NRDE2: variants seen among roughly 807,000 people sequenced by gnomAD.
NRDE2 encodes NRDE-2, necessary for RNA interference, domain containing.
Under a neutral mutation model 124.2 loss-of-function variants are expected in NRDE2, and 76 were observed. That is an observed-to-expected ratio of 0.61 (90% CI 0.51 to 0.74). NRDE2 has a LOEUF of 0.74. Among genes scored for constraint, NRDE2 ranks in the 30% least tolerant of loss-of-function variants. NRDE2 has a pLI of 0.00. For synonymous variants in NRDE2, 489 were observed against 528.1 expected (o/e 0.93, Z 1.01); for missense variants, 1,314 against 1,417.3 (o/e 0.93, Z 1.17).
At chr14:90,323,086 A>G (rs1885299441) in intron 1 of NRDE2, among the ~76,000 whole-genome samples, 1 of 152,242 alleles carries the variant, frequency 6.6e-6, no homozygotes, top group Non-Finnish European at 1.5e-5. Flanking sequence ...ATGCATACAC[A>G]CCAAGAAATG....
rs183978322 is a variant in NRDE2 at position 90,309,452 on chromosome 14, G to A, written c.557+2942C>T. On this transcript the variant is annotated intron_variant, in intron 4 of 13. Coordinates refer to ENST00000354366, the MANE Select transcript of NRDE2 (RefSeq NM_017970.4). ...AGCATCACTGCACTCCAACCTGGGC[G>A]ACAGAGCAAGACTCTGTCTCAAAAA... Among the ~76,000 whole-genome samples, 19 of 119,896 alleles carry A rather than the reference G, an allele frequency of 1.6e-4. 1 individual carries two copies. Among genetic ancestry groups the A allele is most frequent in the African/African-American group, 4.9e-4 (15 of 30,696 alleles). The allele number at this position is 119,896 out of a possible 152,430, so 78.7% of individuals were successfully genotyped here.
At position 90,277,228 on chromosome 14, in the gene NRDE2, G is replaced by C. The variant is rs1204206940; in HGVS notation, c.*1108C>G. On this transcript the variant is annotated 3_prime_UTR_variant, in exon 14 of 14. Coordinates refer to ENST00000354366, the MANE Select transcript of NRDE2 (RefSeq NM_017970.4). ...GCCCTGGGAGGTGCTCTCGTGCGCT[G>C]CCCTGCCTGCTGCTGCCCGCTGCGT... 6.6e-6 allele frequency: 1 copy of C among 152,372 alleles called. No individual in the cohort carries two copies. The highest frequency in any genetic ancestry group is 2.4e-5 in the African/African-American group (1 of 41,430). 9.4% of individuals were successfully genotyped at this position (152,372 alleles called of 1,614,324 possible). A position where few individuals can be genotyped will look rare whatever the true frequency, so the allele number is the denominator to read the frequency against.
At chr14:90,312,783 A>T (rs1884893629) in intron 3 of NRDE2, among the ~76,000 whole-genome samples, 1 of 152,200 alleles carries the variant, frequency 6.6e-6, no homozygotes, top group Non-Finnish European at 1.5e-5. Context: ...CCAACAAAAG[A>T]AGTCTTCCTA....
At chr14:90,285,677 G>A (rs1020006189) in intron 12 of NRDE2, among the ~76,000 whole-genome samples, 1 of 151,890 alleles carries the variant, frequency 6.6e-6, no homozygotes, top group African/African-American at 2.4e-5. Context: ...TTGTCACCCA[G>A]GCCGGAGTGC....
At chr14:90,324,830 G>A (rs1247401747) in intron 1 of NRDE2, among the ~76,000 whole-genome samples, 1 of 152,066 alleles carries the variant, frequency 6.6e-6, no homozygotes. Flanking sequence ...GAGTTGTTAC[G>A]TGCATTCAAT....
At position 90,278,160 on chromosome 14, in the gene NRDE2, T is replaced by A. The variant is rs1333647699; in HGVS notation, c.*176A>T. ...AATATGTAAATAACTTTTGTGTCATTTACACACCCAAAAAGTGTGCAAGAT... is the reference window on the plus strand; with the variant it reads ...AATATGTAAATAACTTTTGTGTCATATACACACCCAAAAAGTGTGCAAGAT... On this transcript the variant is annotated 3_prime_UTR_variant, in exon 14 of 14. Transcript: ENST00000354366. 1.5e-6 allele frequency: 1 copy of A among 652,452 alleles called. No individual in the cohort carries two copies. Among genetic ancestry groups the A allele is most frequent in the African/African-American group, 1.8e-5 (1 of 54,872 alleles). 40.4% of individuals were successfully genotyped at this position (652,452 alleles called of 1,614,324 possible).
chr14:90,318,146 A>G (rs1885115471), intron 1 of NRDE2, 33 bp from the exon 2 acceptor site: 2 of 1,511,858 alleles, frequency 1.3e-6, no homozygotes, highest in South Asian at 1.1e-5. Flanking sequence ...GATCAATGAA[A>G]TTAGTTCAAT....
intron 4 of NRDE2, among the ~76,000 whole-genome samples, chr14:90,308,423 A>G (rs560238120): frequency 6.6e-6 from 1 of 152,246 alleles, no homozygotes; most frequent in South Asian, 2.1e-4. Context: ...CGGAACTTCC[A>G]CTCATTAGTA....
At chr14:90,311,432 T>G (rs933843296) in intron 4 of NRDE2, among the ~76,000 whole-genome samples, 2 of 152,074 alleles carry the variant, frequency 1.3e-5, no homozygotes, top group East Asian at 1.9e-4. Context: ...TGGGGGCAGG[T>G]CTTTCCTGTG....
intron 4 of NRDE2, among the ~76,000 whole-genome samples, chr14:90,309,356 C>T (rs1884738750): frequency 6.6e-6 from 1 of 151,394 alleles, no homozygotes; most frequent in Non-Finnish European, 1.5e-5. Flanking sequence ...GCCTGTAGTC[C>T]CAGCTATTTA....
chr14:90,295,941 A>C (rs1377382900), intron 8 of NRDE2, among the ~76,000 whole-genome samples: 4 of 152,228 alleles, frequency 2.6e-5, no homozygotes. Flanking sequence ...CTCTAACTTG[A>C]TGCTAAAAGT....
At chr14:90,307,121 G>GTA (rs945835417) in intron 4 of NRDE2, among the ~76,000 whole-genome samples, 6 of 152,122 alleles carry the variant, frequency 3.9e-5, no homozygotes, top group Non-Finnish European at 7.4e-5. Flanking sequence ...GTTTCAGTAT[G>GTA]TATATATATG....
Position 90,288,522 on chromosome 14 carries a change from G to A in NRDE2, c.2853C>T (p.Ser951=), listed in dbSNP as rs1342814466. ...CTTCGAGAACACTGGTCCAACTCTG[G>A]GAGCTGGCACTGTCCCCCTCGCCAG... ...EGSGEGDSAS[S]QSWTSVLEAI... Residue 951 remains serine, a synonymous_variant, in exon 11 of 14, where the codon TCC becomes TCT. Transcript: ENST00000354366. The A allele has an allele frequency of 1.9e-6, 3 of 1,613,958 alleles. No homozygotes were observed. The highest frequency in any genetic ancestry group is 2.5e-6 in the Non-Finnish European group (3 of 1,180,012).
intron 4 of NRDE2, among the ~76,000 whole-genome samples, chr14:90,308,404 C>T (rs1246848207): frequency 6.6e-6 from 1 of 152,210 alleles, no homozygotes; most frequent in East Asian, 1.9e-4. Flanking sequence ...TGAACCAAAT[C>T]TGACTTCCCG....
At chr14:90,325,773 C>T (rs866722116) in intron 1 of NRDE2, among the ~76,000 whole-genome samples, 39 of 152,236 alleles carry the variant, frequency 2.6e-4, no homozygotes, top group African/African-American at 8.7e-4. Context: ...GTGATCTGCC[C>T]GCCTTGGCCT....
At chr14:90,312,308 C>T in intron 4 of NRDE2, 86 bp downstream of exon 4, 1 of 1,271,786 alleles carries the variant, frequency 7.9e-7, no homozygotes, top group Non-Finnish European at 1.1e-6. Flanking sequence ...AAGAGAGAAA[C>T]AGGCAGGCAG....
In NRDE2 at chr14:90,288,507, A is replaced by G. The variant is rs1892173592; in HGVS notation, c.2868T>C (p.Ser956=). 6.2e-7 allele frequency: 1 copy of G among 1,614,002 alleles called. No homozygotes were observed. Among genetic ancestry groups the G allele is most frequent in the Non-Finnish European group, 8.5e-7 (1 of 1,180,026 alleles). The change falls in exon 11 of 14, where the codon AGT becomes AGC. Residue 956 remains serine, a synonymous_variant. Transcript: ENST00000354366. ...GDSASSQSWT[S]VLEAITLMHT... ...GCATCAGTGTGATGGCTTCGAGAAC[A>G]CTGGTCCAACTCTGGGAGCTGGCAC...
intron 4 of NRDE2, among the ~76,000 whole-genome samples, chr14:90,306,570 G>A (rs1285943854): frequency 6.6e-6 from 1 of 152,152 alleles, no homozygotes; most frequent in African/African-American, 2.4e-5. Context: ...CAGCACTTTG[G>A]GAGGCTGAGG....
In NRDE2 at chr14:90,278,191, A is replaced by T; in HGVS notation, c.*145T>A. The T allele has an allele frequency of 1.1e-6, 1 of 890,316 alleles. No homozygotes were observed. The highest frequency in any genetic ancestry group is 1.7e-6 in the Non-Finnish European group (1 of 586,284). 55.2% of individuals were successfully genotyped at this position (890,316 alleles called of 1,614,324 possible). A position where few individuals can be genotyped will look rare whatever the true frequency, so the allele number is the denominator to read the frequency against. ...ACCCAAAAAGTGTGCAAGATGTGAG[A>T]GGCTGGCAGCCCACATTATTACTAT... On this transcript the variant is annotated 3_prime_UTR_variant, in exon 14 of 14. Transcript: ENST00000354366.
Sources: allele counts gnomAD v4.1 joint callset (sites outside exome capture counted in the v4.1 genomes callset), GRCh38; gene constraint gnomAD v4.1.1; transcripts MANE v1.5; gene names NCBI Gene and HGNC (gene_info 2026-07-23, HGNC 2026-07-21).